The following ATP13A5 variants were observed in gnomAD, a reference collection of about 807,000 sequenced individuals.
ATP13A5 encodes probable cation-transporting ATPase 13A5.
Under a neutral mutation model 150.2 loss-of-function variants are expected in ATP13A5, and 149 were observed. The observed-to-expected ratio is 0.99, with a 90% CI of 0.87 to 1.14. The LOEUF is 1.14. Among genes scored for constraint, ATP13A5 ranks in the 50% most tolerant of loss-of-function variants. The pLI, the probability that ATP13A5 is intolerant of heterozygous loss-of-function variation, is 0.00. For synonymous variants in ATP13A5, 497 were observed against 522.2 expected, an observed-to-expected ratio of 0.95 and a Z score of 0.66; for missense variants, 1,383 against 1,449.3, an observed-to-expected ratio of 0.95 and a Z score of 0.74.
At chr3:193,281,074 A>C (rs1432920614) in intron 27 of ATP13A5, 2 of 423,388 alleles carry the variant, frequency 4.7e-6, no homozygotes, top group Non-Finnish European at 6.3e-6. Context: ...AGTGCTTGGG[A>C]AGGGTATGAG....
chr3:193,310,041 A>T (rs950705642), intron 21 of ATP13A5, among the ~76,000 whole-genome samples: 2 of 151,804 alleles, frequency 1.3e-5, no homozygotes, highest in Admixed American at 1.3e-4. Flanking sequence ...TCTCAAGTAG[A>T]CCCCAATATC....
At chr3:193,348,235 T>A (rs1469590993) in intron 7 of ATP13A5, among the ~76,000 whole-genome samples, 1 of 152,164 alleles carries the variant, frequency 6.6e-6, no homozygotes, top group African/African-American at 2.4e-5. Flanking sequence ...GTTTCTTCTG[T>A]CCCTGTTCAG....
intron 5 of ATP13A5, among the ~76,000 whole-genome samples, chr3:193,354,456 A>G (rs183842391): frequency 6.6e-6 from 1 of 152,306 alleles, no homozygotes. Flanking sequence ...TTGGAAAGAC[A>G]CTTTCATTTT....
rs200528703 is a variant in ATP13A5, at chr3:193,301,249, C to T, written c.2737G>A (p.Gly913Ser). 1.5e-4 allele frequency: 249 copies of T among 1,613,220 alleles called. No homozygotes were observed. Among genetic ancestry groups the T allele is most frequent in the Middle Eastern group, 1.6e-4 (1 of 6,062 alleles). The change falls in exon 24 of 30, where the codon GGC becomes AGC. Residue 913 changes from glycine (G) to serine (S), a missense_variant. Gly to Ser is a moderately conservative substitution (Grantham distance 56). Transcript: ENST00000342358. ...FGVFKYLTMY[G>S]IIQFISALLL... ...AATGCACTGATAAACTGGATTATGC[C>T]GTACATGGTCAAGTATTTAAATACT...
chr3:193,322,428 G>A (rs910254902), intron 15 of ATP13A5, 63 bp downstream of exon 15: 1 of 1,253,716 alleles, frequency 8.0e-7, no homozygotes, highest in Non-Finnish European at 1.2e-6. Flanking sequence ...ATATGTGCAA[G>A]TCAGAAATGT....
chr3:193,344,187 T>C, intron 8 of ATP13A5, 132 bp from the exon 9 acceptor site: 2 of 1,175,466 alleles, frequency 1.7e-6, no homozygotes, highest in Non-Finnish European at 2.3e-6. Context: ...AAGCCCCTTT[T>C]TAGTCAATTG....
intron 17 of ATP13A5, among the ~76,000 whole-genome samples, chr3:193,316,747 A>G (rs919396031): frequency 6.6e-6 from 1 of 152,000 alleles, no homozygotes; most frequent in Non-Finnish European, 1.5e-5. Context: ...GTTTGCAGAG[A>G]TTTTCTGCCA....
At chr3:193,290,222 A>G (rs1036698289) in intron 25 of ATP13A5, among the ~76,000 whole-genome samples, 163 bp from the exon 26 acceptor site, 4 of 152,148 alleles carry the variant, frequency 2.6e-5, no homozygotes, top group African/African-American at 9.7e-5. Flanking sequence ...TGGCACATCC[A>G]GTTCCACCAG....
At chr3:193,301,366 C>G in intron 23 of ATP13A5, 59 bp from the exon 24 acceptor site, 1 of 1,284,126 alleles carries the variant, frequency 7.8e-7, no homozygotes, top group Non-Finnish European at 1.1e-6. Context: ...CTCCCAACTT[C>G]TTTTATACTT....
chr3:193,337,799 T>C (rs1248734252), intron 9 of ATP13A5, among the ~76,000 whole-genome samples: 1 of 152,204 alleles, frequency 6.6e-6, no homozygotes, highest in Non-Finnish European at 1.5e-5. Flanking sequence ...GGGGATGGCA[T>C]TGTATCTATA....
At chr3:193,351,496 CCTT>C (rs1184486457) in intron 6 of ATP13A5, among the ~76,000 whole-genome samples, 2 of 152,146 alleles carry the variant, frequency 1.3e-5, no homozygotes, top group African/African-American at 4.8e-5. Context: ...TAACAATTCA[CCTT>C]CTTAAACAGA....
chr3:193,323,199 C>T (rs1719346200), intron 14 of ATP13A5: 2 of 152,242 alleles, frequency 1.3e-5, no homozygotes, highest in Non-Finnish European at 2.9e-5. Context: ...GGTTTCCACT[C>T]TGCCACTTAC....
At chr3:193,298,244 T>G (rs1718251496) in intron 25 of ATP13A5, among the ~76,000 whole-genome samples, 1 of 152,138 alleles carries the variant, frequency 6.6e-6, no homozygotes, top group Non-Finnish European at 1.5e-5. Flanking sequence ...AAATATCCAG[T>G]GCTGTAGAAG....
At chr3:193,347,770 CTCTT>C (rs1380750497) in intron 7 of ATP13A5, among the ~76,000 whole-genome samples, 1 of 152,170 alleles carries the variant, frequency 6.6e-6, no homozygotes, top group Non-Finnish European at 1.5e-5. Context: ...TACTAGCAAA[CTCTT>C]TCTAATCCTT....
intron 16 of ATP13A5, among the ~76,000 whole-genome samples, chr3:193,321,269 C>T (rs545966184): frequency 8.9e-4 from 136 of 152,282 alleles, no homozygotes; most frequent in African/African-American, 3.1e-3. Flanking sequence ...GCCTACTTTG[C>T]ACCTACCCAG....
At chr3:193,356,871 A>G (rs749092289) in intron 5 of ATP13A5, among the ~76,000 whole-genome samples, 2 of 151,440 alleles carry the variant, frequency 1.3e-5, no homozygotes, top group African/African-American at 4.9e-5. Context: ...GCTGGAGTGC[A>G]TTGGCACAGT....
In ATP13A5 at chr3:193,378,325, G is replaced by T. The variant is rs946074411; in HGVS notation, c.63+338C>A. 2.0e-5 allele frequency among the ~76,000 whole-genome samples: 3 copies of T among 152,164 alleles called. No individual in the cohort carries two copies. The South Asian group carries it at 6.2e-4, about 32-fold the overall frequency. ...AGAGTTCTTGTTTTCAATAGAGTTTGTTCCATCACATAGCAATCCAGATAA... is the reference window on the plus strand; with the variant it reads ...AGAGTTCTTGTTTTCAATAGAGTTTTTTCCATCACATAGCAATCCAGATAA... On this transcript the variant is annotated intron_variant, in intron 1 of 29. Coordinates refer to ENST00000342358, the MANE Select transcript of ATP13A5 (RefSeq NM_198505.4).
At chr3:193,315,963 TC>T (rs1719037591) in intron 17 of ATP13A5, among the ~76,000 whole-genome samples, 1 of 151,982 alleles carries the variant, frequency 6.6e-6, no homozygotes, top group African/African-American at 2.4e-5. Context: ...TATTTCCCCC[TC>T]CCCCTAGCCC....
Position 193,360,664 on chromosome 3 carries a change from G to A in ATP13A5, c.536+1717C>T, listed in dbSNP as rs550894975. On this transcript the variant is annotated intron_variant, in intron 5 of 29. Coordinates refer to ENST00000342358, the MANE Select transcript of ATP13A5 (RefSeq NM_198505.4). ...TTTGTCTTGCTTATTAGATTGTCAA[G>A]TTCTATATTGTGTGGATCAGATTTT... Among the ~76,000 whole-genome samples the A allele has an allele frequency of 6.6e-5, 10 of 152,202 alleles. 1 individual carries two copies. The highest frequency in any genetic ancestry group is 6.5e-4 in the Admixed American group (10 of 15,280).
Sources: allele counts gnomAD v4.1 joint callset (sites outside exome capture counted in the v4.1 genomes callset), GRCh38; gene constraint gnomAD v4.1.1; transcripts MANE v1.5; gene names NCBI Gene and HGNC (gene_info 2026-07-23, HGNC 2026-07-21).